The following WSB1 variants were observed in gnomAD, a reference collection of about 807,000 sequenced individuals.
The protein encoded by WSB1 is WD repeat and SOCS box containing 1.
A neutral mutation model predicts 50.2 loss-of-function variants in WSB1; 23 were observed. That is an observed-to-expected ratio of 0.46 (90% CI 0.33 to 0.65). The LOEUF (loss-of-function observed/expected upper bound fraction) is 0.65, where lower values mean the gene tolerates loss of function less well. WSB1 is among the 30% of genes least tolerant of loss of function. The probability of loss-of-function intolerance (pLI) is 0.02; values close to 1 mark genes in which losing one functional copy is unlikely to be tolerated. For missense variants in WSB1, 492 were observed against 522.3 expected, an observed-to-expected ratio of 0.94 and a Z score of 0.56; for synonymous variants, 179 against 172.0, an observed-to-expected ratio of 1.04 and a Z score of -0.32.
In WSB1 at chr17:27,312,885, A is replaced by C. The variant is rs2017741441; in HGVS notation, c.*516A>C. 1 of 152,668 alleles carries C rather than the reference A, an allele frequency of 6.6e-6. No homozygotes were observed. The highest frequency in any genetic ancestry group is 1.5e-5 in the Non-Finnish European group (1 of 68,534). The allele number at this position is 152,668 out of a possible 1,614,324, so 9.5% of individuals were successfully genotyped here. A position where few individuals can be genotyped will look rare whatever the true frequency, so the allele number is the denominator to read the frequency against. On this transcript the variant is annotated 3_prime_UTR_variant, in exon 9 of 9. Coordinates refer to ENST00000262394, the MANE Select transcript of WSB1 (RefSeq NM_015626.10). The stretch of plus-strand genomic sequence containing the variant: ...TGTCTCTACTAAAAATACAAAAAAA[A>C]AAAAAATTAGCCAGGCGTGGTGGTG...
chr17:27,298,474 G>A (rs945922714), intron 1 of WSB1, among the ~76,000 whole-genome samples: 2 of 152,102 alleles, frequency 1.3e-5, no homozygotes, highest in African/African-American at 4.8e-5. Flanking sequence ...TAATCTCACC[G>A]CTTTGGGAAA....
chr17:27,311,551 A>C lies in WSB1; in HGVS notation c.1041A>C (p.Gln347His). 6.2e-7 allele frequency: 1 copy of C among 1,612,112 alleles called. No individual in the cohort carries two copies. Residue 347 changes from glutamine to histidine, a missense_variant, in exon 8 of 9, where the codon CAA becomes CAC. Transcript: ENST00000262394. The stretch of plus-strand genomic sequence containing the variant: ...GAATTGATGAGGATTATCCAGTGCA[A>C]GTTGCACCTTTGAGCAATGGTCTTT... Reference protein sequence around the residue: ...FWRIDEDYPVQVAPLSNGLCC... With the variant: ...FWRIDEDYPVHVAPLSNGLCC...
rs551599355 is a variant in WSB1, at chr17:27,301,170, G to A, written c.41-618G>A. Reference sequence around the variant, plus strand: ...ATTACAGGTGTGAGCAACCACACGCGGCCTATAATGCCTTTTTAAAGCACT... The same window carrying A: ...ATTACAGGTGTGAGCAACCACACGCAGCCTATAATGCCTTTTTAAAGCACT... On this transcript the variant is annotated intron_variant, in intron 1 of 8. Transcript: ENST00000262394. Among the ~76,000 whole-genome samples the A allele has an allele frequency of 8.4e-4, 128 of 152,234 alleles. 1 individual carries two copies. The highest frequency in any genetic ancestry group is 4.6e-3 in the Admixed American group (70 of 15,288).
At chr17:27,298,656 G>T (rs2017093211) in intron 1 of WSB1, among the ~76,000 whole-genome samples, 1 of 152,042 alleles carries the variant, frequency 6.6e-6, no homozygotes, top group South Asian at 2.1e-4. Flanking sequence ...TTCGAGACCA[G>T]CCTGGCCAAC....
Position 27,314,640 on chromosome 17 carries a change from C to T in WSB1, c.*2271C>T, listed in dbSNP as rs1416069863. 1 of 152,100 alleles carries T rather than the reference C, an allele frequency of 6.6e-6. No individual in the cohort carries two copies. The allele number at this position is 152,100 out of a possible 1,614,324, so 9.4% of individuals were successfully genotyped here. On this transcript the variant is annotated 3_prime_UTR_variant, in exon 9 of 9. Coordinates refer to ENST00000262394, the MANE Select transcript of WSB1 (RefSeq NM_015626.10). Reference sequence around the variant, plus strand: ...TGCTTTCCACACCAACATATCCAGTCAAGTAAAAACAGCTTTTTTTATTTT... The same window carrying T: ...TGCTTTCCACACCAACATATCCAGTTAAGTAAAAACAGCTTTTTTTATTTT...
At chr17:27,300,448 G>A (rs1282392722) in intron 1 of WSB1, among the ~76,000 whole-genome samples, 1 of 152,138 alleles carries the variant, frequency 6.6e-6, no homozygotes, top group African/African-American at 2.4e-5. Flanking sequence ...ATGCATTGCA[G>A]TATGAGCTTG....
At chr17:27,297,628 T>A (rs1427974300) in intron 1 of WSB1, among the ~76,000 whole-genome samples, 8 of 152,094 alleles carry the variant, frequency 5.3e-5, no homozygotes, top group Non-Finnish European at 7.4e-5. Context: ...GCTAATTTTT[T>A]AAATTTTTTG....
In WSB1 at chr17:27,312,584, TCTAA is replaced by T. The variant is rs56916727; in HGVS notation, c.*218_*221del. ...TATCAAATATAAATTTTTTTAAAGA[TCTAA>T]CTGTGAAAACATACATACCTGTACA... is the stretch of plus-strand genomic sequence containing the variant. On this transcript the variant is annotated 3_prime_UTR_variant, in exon 9 of 9. Coordinates refer to ENST00000262394, the MANE Select transcript of WSB1 (RefSeq NM_015626.10). The T allele has an allele frequency of 3.7e-3, 2,146 of 576,890 alleles. 7 individuals carry two copies. Among genetic ancestry groups the T allele is most frequent in the Middle Eastern group, 0.014 (28 of 2,040 alleles). 35.7% of individuals were successfully genotyped at this position (576,890 alleles called of 1,614,324 possible).
intron 1 of WSB1, among the ~76,000 whole-genome samples, chr17:27,299,452 A>G (rs973341667): frequency 7.9e-5 from 12 of 152,220 alleles, no homozygotes; most frequent in African/African-American, 2.2e-4. Flanking sequence ...TCAAGGCTAC[A>G]GTGCGCAGTT....
chr17:27,296,066 T>A (rs187043329), intron 1 of WSB1, among the ~76,000 whole-genome samples: 1 of 152,274 alleles, frequency 6.6e-6, no homozygotes, highest in Non-Finnish European at 1.5e-5. Context: ...ACTCCCGACC[T>A]CAGGTGATCG....
intron 4 of WSB1, 139 bp from the exon 5 acceptor site, chr17:27,306,643 G>T (rs1567689602): frequency 1.5e-5 from 11 of 723,814 alleles, no homozygotes; most frequent in Non-Finnish European, 2.5e-5. Flanking sequence ...TAAGCAGCTG[G>T]TGTATATCGG....
chr17:27,304,535 CAAAAAAAAAAAAAAAAAAA>C (rs10660665), intron 3 of WSB1, among the ~76,000 whole-genome samples: 1 of 38,680 alleles, frequency 2.6e-5, no homozygotes, highest in African/African-American at 1.1e-4. Flanking sequence ...TCCATCTCTC[CAAAAAAAAAAAAAAAAAAA>C]AAAAAAAAAA....
At chr17:27,298,020 A>T (rs533805410) in intron 1 of WSB1, among the ~76,000 whole-genome samples, 1 of 149,366 alleles carries the variant, frequency 6.7e-6, no homozygotes, top group East Asian at 2.0e-4. Context: ...GCTACTCGGG[A>T]GGCTGAGGCA....
At chr17:27,303,675 T>G in intron 3 of WSB1, 40 bp downstream of exon 3, 1 of 1,600,956 alleles carries the variant, frequency 6.2e-7, no homozygotes, top group Non-Finnish European at 8.5e-7. Context: ...TATTATTTTA[T>G]GATGCAGGGC....
Position 27,294,620 on chromosome 17 carries a change from T to A in WSB1, c.40+185T>A, listed in dbSNP as rs191299932. Among the ~76,000 whole-genome samples the A allele has an allele frequency of 2.6e-3, 402 of 152,228 alleles. 9 individuals carry two copies. Among genetic ancestry groups the A allele is most frequent in the Non-Finnish European group, 5.4e-4 (37 of 68,010 alleles). ...GGCTGAGGGGTAAACGGCACCGACGTGGATGCAGCACCTACTGTGCTCCCT... is the reference window on the plus strand; with the variant it reads ...GGCTGAGGGGTAAACGGCACCGACGAGGATGCAGCACCTACTGTGCTCCCT... On this transcript the variant is annotated intron_variant, in intron 1 of 8. Coordinates refer to ENST00000262394, the MANE Select transcript of WSB1 (RefSeq NM_015626.10).
rs142949229 is a variant in WSB1 at position 27,311,633 on chromosome 17, C to CTTTTTTTTT, written c.1106+35_1106+43dup. On this transcript the variant is annotated intron_variant, in intron 8 of 8. Coordinates refer to ENST00000262394, the MANE Select transcript of WSB1 (RefSeq NM_015626.10). ...AGCTGCTGGGTAAATATATTTTTCTCTTTTTTTTTTTTTTTTTTTTTTTTT... is the reference window on the plus strand; with the variant it reads ...AGCTGCTGGGTAAATATATTTTTCTCTTTTTTTTTTTTTTTTTTTTTTTTTTTTTTTTTT... 3.6e-4 allele frequency: 179 copies of CTTTTTTTTT among 491,114 alleles called. 1 individual carries two copies. Among genetic ancestry groups the CTTTTTTTTT allele is most frequent in the South Asian group, 1.1e-3 (39 of 35,960 alleles). The allele number at this position is 491,114 out of a possible 1,614,324, so 30.4% of individuals were successfully genotyped here. A position where few individuals can be genotyped will look rare whatever the true frequency, so the allele number is the denominator to read the frequency against.
chr17:27,307,673 C>A, intron 5 of WSB1: 1 of 1,470,472 alleles, frequency 6.8e-7, no homozygotes, highest in Admixed American at 2.1e-5. Flanking sequence ...ATAAGAAGAA[C>A]AAAATTAGAT....
At chr17:27,294,968 T>G (rs900620498) in intron 1 of WSB1, among the ~76,000 whole-genome samples, 1 of 152,170 alleles carries the variant, frequency 6.6e-6, no homozygotes. Context: ...GAGGAGACTT[T>G]TAGAATTATC....
intron 5 of WSB1, chr17:27,308,535 T>G (rs771838599): frequency 3.0e-6 from 3 of 985,854 alleles, no homozygotes; most frequent in Non-Finnish European, 3.6e-6. Context: ...ACATCCTTGT[T>G]GTTTGCCAAA....
Sources: allele counts gnomAD v4.1 joint callset (sites outside exome capture counted in the v4.1 genomes callset), GRCh38; gene constraint gnomAD v4.1.1; transcripts MANE v1.5; gene names NCBI Gene and HGNC (gene_info 2026-07-23, HGNC 2026-07-21).